The following FBXL17 variants were observed in gnomAD, a reference collection of about 807,000 sequenced individuals.
The protein encoded by FBXL17 is F-box/LRR-repeat protein 17.
Under a neutral mutation model 66.2 loss-of-function variants are expected in FBXL17, and 22 were observed. The observed-to-expected ratio is 0.33, with a 90% CI of 0.24 to 0.47. The LOEUF (loss-of-function observed/expected upper bound fraction) is 0.47. Among genes scored for constraint, FBXL17 ranks in the 20% least tolerant of loss-of-function variants. The pLI is 1.00. For missense variants in FBXL17, 878 were observed against 948.2 expected (o/e 0.93, Z 0.97); for synonymous variants, 474 against 400.5 (o/e 1.18, Z -2.19).
chr5:107,967,942 A>C (rs1454599867), intron 7 of FBXL17, among the ~76,000 whole-genome samples: 2 of 152,148 alleles, frequency 1.3e-5, no homozygotes, highest in African/African-American at 4.8e-5. Flanking sequence ...AACTGGCTTT[A>C]ACAGGGTGGT....
intron 6 of FBXL17, 94 bp from the exon 7 acceptor site, chr5:108,021,095 C>G: frequency 1.2e-6 from 1 of 818,630 alleles, no homozygotes; most frequent in Non-Finnish European, 2.1e-6. Flanking sequence ...TTGGTGAATG[C>G]CACAGCTTCT....
chr5:108,235,910 A>G (rs1755580911), intron 4 of FBXL17, among the ~76,000 whole-genome samples: 1 of 152,208 alleles, frequency 6.6e-6, no homozygotes, highest in Non-Finnish European at 1.5e-5. Context: ...TGCAAAGAAA[A>G]ACAGAACTAT....
At chr5:107,966,655 C>T (rs949766355) in intron 7 of FBXL17, among the ~76,000 whole-genome samples, 3 of 152,096 alleles carry the variant, frequency 2.0e-5, no homozygotes, top group African/African-American at 7.2e-5. Flanking sequence ...AAATCCTTAT[C>T]ATTCCTTTAC....
intron 6 of FBXL17, among the ~76,000 whole-genome samples, chr5:108,150,290 A>G (rs1399051575): frequency 1.3e-5 from 2 of 152,170 alleles, no homozygotes; most frequent in African/African-American, 2.4e-5. Flanking sequence ...TGCAGCTTCA[A>G]TCTCTCAGGT....
chr5:108,187,034 C>T (rs1217589132), intron 5 of FBXL17, among the ~76,000 whole-genome samples: 1 of 151,920 alleles, frequency 6.6e-6, no homozygotes, highest in African/African-American at 2.4e-5. Context: ...TATCAATGTA[C>T]TCCAAACTGT....
intron 6 of FBXL17, among the ~76,000 whole-genome samples, chr5:108,046,220 C>G (rs1318174578): frequency 6.6e-6 from 1 of 152,124 alleles, no homozygotes; most frequent in Non-Finnish European, 1.5e-5. Context: ...TTATCTGTCT[C>G]TTGAAATTTT....
intron 6 of FBXL17, among the ~76,000 whole-genome samples, chr5:108,168,796 C>T (rs973848090): frequency 3.9e-5 from 6 of 152,086 alleles, no homozygotes; most frequent in South Asian, 2.1e-4. Flanking sequence ...GCTTTACCAA[C>T]TGCAACATGT....
intron 6 of FBXL17, among the ~76,000 whole-genome samples, chr5:108,050,771 G>GT (rs1747440720): frequency 6.6e-6 from 1 of 152,094 alleles, no homozygotes; most frequent in South Asian, 2.1e-4. Flanking sequence ...CCAGGAGCAG[G>GT]TTTTTTGAAA....
At chr5:107,955,509 G>A (rs969377395) in intron 7 of FBXL17, among the ~76,000 whole-genome samples, 2 of 152,154 alleles carry the variant, frequency 1.3e-5, no homozygotes, top group African/African-American at 4.8e-5. Flanking sequence ...GCTGTGACAA[G>A]AGCCTCCAAA....
rs1311110502 is a variant in FBXL17, at chr5:108,364,859, G to T, written c.1253C>A (p.Thr418Lys). 1 of 1,613,010 alleles carries T rather than the reference G, an allele frequency of 6.2e-7. No individual in the cohort carries two copies. Among genetic ancestry groups the T allele is most frequent in the East Asian group, 2.2e-5 (1 of 44,850 alleles). The change falls in exon 3 of 9, where the codon ACA becomes AAA. Residue 418 changes from threonine to lysine, a missense_variant. Coordinates refer to ENST00000542267, the MANE Select transcript of FBXL17 (RefSeq NM_001163315.3). ...AFKCPGLLRY[T>K]AYRCKQLSDT... ...AGAAAGCTGTTTACACCTGTAGGCT[G>T]TATACCTAAGAAGTCCAGGACATTT...
chr5:107,924,807 T>G (rs1750448558), intron 7 of FBXL17, among the ~76,000 whole-genome samples: 1 of 152,316 alleles, frequency 6.6e-6, no homozygotes, highest in East Asian at 1.9e-4. Context: ...GAGACCAGTT[T>G]AAGAATTCAA....
intron 7 of FBXL17, among the ~76,000 whole-genome samples, chr5:107,971,690 T>C (rs543918297): frequency 1.3e-5 from 2 of 152,278 alleles, no homozygotes; most frequent in South Asian, 4.1e-4. Context: ...ATCACTAACA[T>C]TTTAGTTGAT....
Position 108,154,483 on chromosome 5 carries a change from G to A in FBXL17, c.1745+31634C>T, listed in dbSNP as rs566415859. Reference sequence around the variant, plus strand: ...TGTATGCCTGTAATCCCAGCTACTCGGGAGTCTGAGGCAGGAGAATTGCTG... The same window carrying A: ...TGTATGCCTGTAATCCCAGCTACTCAGGAGTCTGAGGCAGGAGAATTGCTG... On this transcript the variant is annotated intron_variant, in intron 6 of 8. Transcript: ENST00000542267. Among the ~76,000 whole-genome samples the A allele has an allele frequency of 7.1e-4, 106 of 149,908 alleles. 1 individual carries two copies. The highest frequency in any genetic ancestry group is 2.8e-3 in the South Asian group (13 of 4,726).
chr5:108,035,883 A>G (rs530874476), intron 6 of FBXL17, among the ~76,000 whole-genome samples: 3 of 152,272 alleles, frequency 2.0e-5, no homozygotes, highest in South Asian at 4.1e-4. Flanking sequence ...AAGACCTGGG[A>G]AAAAAATATG....
chr5:108,064,960 ATTTT>A (rs565224960), intron 6 of FBXL17, among the ~76,000 whole-genome samples: 2 of 151,912 alleles, frequency 1.3e-5, no homozygotes, highest in African/African-American at 4.8e-5. Context: ...TAGATATTTT[ATTTT>A]TTTATTAAGA....
intron 3 of FBXL17, among the ~76,000 whole-genome samples, chr5:108,356,304 A>G (rs540151505): frequency 2.6e-5 from 4 of 152,286 alleles, no homozygotes; most frequent in South Asian, 4.1e-4. Flanking sequence ...CTCTTAGCAC[A>G]TGATCCAGCA....
intron 6 of FBXL17, among the ~76,000 whole-genome samples, chr5:108,103,047 C>T (rs1749661180): frequency 6.6e-6 from 1 of 152,164 alleles, no homozygotes; most frequent in Non-Finnish European, 1.5e-5. Flanking sequence ...ATAAGAATTA[C>T]TGGGTACTTT....
chr5:108,202,853 C>G (rs1422369947), intron 5 of FBXL17, among the ~76,000 whole-genome samples: 1 of 152,022 alleles, frequency 6.6e-6, no homozygotes, highest in Non-Finnish European at 1.5e-5. Context: ...ACTGGATCCC[C>G]TTATTCAGTG....
chr5:108,151,422 G>C (rs1751767706), intron 6 of FBXL17, among the ~76,000 whole-genome samples: 1 of 152,142 alleles, frequency 6.6e-6, no homozygotes, highest in Admixed American at 6.5e-5. Flanking sequence ...AGTTTTACAA[G>C]GTTGTCTGTC....
Sources: allele counts gnomAD v4.1 joint callset (sites outside exome capture counted in the v4.1 genomes callset), GRCh38; gene constraint gnomAD v4.1.1; transcripts MANE v1.5; gene names NCBI Gene and HGNC (gene_info 2026-07-23, HGNC 2026-07-21).